GPATCH8: variants seen among roughly 807,000 people sequenced by gnomAD.
The protein encoded by GPATCH8 is G patch domain-containing protein 8.
A neutral mutation model predicts 118.3 loss-of-function variants in GPATCH8; 18 were observed. That is an observed-to-expected ratio of 0.15 (90% CI 0.11 to 0.23). The LOEUF (loss-of-function observed/expected upper bound fraction) is 0.23, where lower values mean the gene tolerates loss of function less well. Among genes scored for constraint, GPATCH8 ranks in the 10% least tolerant of loss-of-function variants. The probability of loss-of-function intolerance (pLI) is 1.00; values close to 1 mark genes in which losing one functional copy is unlikely to be tolerated. For synonymous variants in GPATCH8, 659 were observed against 684.7 expected (o/e 0.96, Z 0.59); for missense variants, 1,631 against 1,873.8 (o/e 0.87, Z 2.39).
rs571798308 is a variant in GPATCH8 at position 44,502,634 on chromosome 17, C to T, written c.45+692G>A. ...ACCCCATGCGTGGACGGCCTATTAT[C>T]ATCACGCTTCTCACAAATCTTTCGA... On this transcript the variant is annotated intron_variant, in intron 1 of 7. Coordinates refer to ENST00000591680, the MANE Select transcript of GPATCH8 (RefSeq NM_001002909.4). Among the ~76,000 whole-genome samples the T allele has an allele frequency of 9.8e-5, 15 of 152,288 alleles. No homozygotes were observed. In the South Asian group the frequency reaches 2.7e-3, roughly 27 times the overall value.
At position 44,438,822 on chromosome 17, in the gene GPATCH8, TC is replaced by T. The variant is rs1165904266; in HGVS notation, c.194-2278del. The T allele has an allele frequency of 2.0e-5, 3 of 152,404 alleles. No individual in the cohort carries two copies. The Admixed American group carries it at 2.0e-4, about 10-fold the overall frequency. 9.4% of individuals were successfully genotyped at this position (152,404 alleles called of 1,614,324 possible). ...AAAGTTAACAGTTGGGCTTTGTCCCTCCCCCAATCTCAGCCGGGGACAGAGG... is the reference window on the plus strand; with the variant it reads ...AAAGTTAACAGTTGGGCTTTGTCCCTCCCCAATCTCAGCCGGGGACAGAGG... On this transcript the variant is annotated intron_variant, in intron 3 of 7. Coordinates refer to ENST00000591680, the MANE Select transcript of GPATCH8 (RefSeq NM_001002909.4).
chr17:44,434,493 A>G (rs1448642344), intron 5 of GPATCH8, among the ~76,000 whole-genome samples: 1 of 152,150 alleles, frequency 6.6e-6, no homozygotes, highest in Non-Finnish European at 1.5e-5. Context: ...CACCTGAGGC[A>G]AGGAGTTCAA....
intron 6 of GPATCH8, among the ~76,000 whole-genome samples, chr17:44,416,105 C>A (rs1011334156): frequency 3.3e-5 from 5 of 152,150 alleles, no homozygotes; most frequent in African/African-American, 9.7e-5. Flanking sequence ...TGGGTTCAAG[C>A]GATCCTCCTG....
At chr17:44,446,817 T>C (rs1488611617) in intron 3 of GPATCH8, among the ~76,000 whole-genome samples, 2 of 151,812 alleles carry the variant, frequency 1.3e-5, no homozygotes, top group Non-Finnish European at 2.9e-5. Flanking sequence ...AACTTTCCAC[T>C]GCAACTCCTC....
At chr17:44,462,468 C>T (rs2051590512) in intron 3 of GPATCH8, among the ~76,000 whole-genome samples, 1 of 152,138 alleles carries the variant, frequency 6.6e-6, no homozygotes, top group African/African-American at 2.4e-5. Context: ...CTATCCCATA[C>T]GAATTGCTCT....
At chr17:44,446,379 A>G (rs535878773) in intron 3 of GPATCH8, among the ~76,000 whole-genome samples, 42 of 152,250 alleles carry the variant, frequency 2.8e-4, no homozygotes, top group African/African-American at 9.9e-4. Context: ...ATCCTGGCTA[A>G]CACGGCGAAA....
Position 44,451,453 on chromosome 17 carries a change from G to T in GPATCH8, c.193+13019C>A, listed in dbSNP as rs562458644. 3.9e-5 allele frequency among the ~76,000 whole-genome samples: 6 copies of T among 152,224 alleles called. No individual in the cohort carries two copies. In the South Asian group the frequency reaches 1.2e-3, roughly 32 times the overall value. On this transcript the variant is annotated intron_variant, in intron 3 of 7. Transcript: ENST00000591680. Reference sequence around the variant, plus strand: ...TGCAGAATACAAAACAAGAAAAACAGCAACAGAGAATACATAAATGCACAG... The same window carrying T: ...TGCAGAATACAAAACAAGAAAAACATCAACAGAGAATACATAAATGCACAG...
chr17:44,485,513 G>A (rs888440052), intron 1 of GPATCH8, among the ~76,000 whole-genome samples: 9 of 151,968 alleles, frequency 5.9e-5, no homozygotes, highest in Admixed American at 4.6e-4. Context: ...TGCAGACTCC[G>A]TCTCCTGAGC....
intron 6 of GPATCH8, among the ~76,000 whole-genome samples, chr17:44,418,456 CTTTT>C (rs56885612): frequency 3.6e-5 from 5 of 139,758 alleles, no homozygotes; most frequent in African/African-American, 5.2e-5. Context: ...GTGCTAATGT[CTTTT>C]TTTTTTTTTT....
intron 2 of GPATCH8, chr17:44,473,864 T>C (rs1049359646): frequency 2.0e-5 from 3 of 152,150 alleles, no homozygotes; most frequent in African/African-American, 7.2e-5. Context: ...AACATAAATA[T>C]ATGTTGATCC....
At chr17:44,456,429 A>G (rs1568015533) in intron 3 of GPATCH8, among the ~76,000 whole-genome samples, 2 of 152,198 alleles carry the variant, frequency 1.3e-5, no homozygotes, top group Non-Finnish European at 2.9e-5. Context: ...AGTGAGTGCA[A>G]TATTAATTCA....
chr17:44,444,518 A>C (rs1278160838), intron 3 of GPATCH8, among the ~76,000 whole-genome samples: 1 of 152,158 alleles, frequency 6.6e-6, no homozygotes, highest in Non-Finnish European at 1.5e-5. Flanking sequence ...CACGGCTGTA[A>C]TCCCAGCACT....
chr17:44,455,416 G>A (rs947385254), intron 3 of GPATCH8, among the ~76,000 whole-genome samples: 2 of 151,758 alleles, frequency 1.3e-5, no homozygotes, highest in Non-Finnish European at 2.9e-5. Flanking sequence ...CAGGAGAATC[G>A]CTTGAACCAG....
At chr17:44,412,690 G>A (rs747115807) in intron 6 of GPATCH8, among the ~76,000 whole-genome samples, 1 of 152,066 alleles carries the variant, frequency 6.6e-6, no homozygotes, top group Non-Finnish European at 1.5e-5. Flanking sequence ...AGCTGAACCT[G>A]TCTTTAAAAC....
At chr17:44,433,645 C>T (rs2050396375) in intron 5 of GPATCH8, among the ~76,000 whole-genome samples, 1 of 152,054 alleles carries the variant, frequency 6.6e-6, no homozygotes, top group Admixed American at 6.6e-5. Flanking sequence ...GTGTCATGAC[C>T]ACTCTTGTGC....
intron 2 of GPATCH8, chr17:44,465,209 C>G (rs2051714911): frequency 6.6e-6 from 1 of 151,884 alleles, no homozygotes; most frequent in Non-Finnish European, 1.5e-5. Context: ...AAAATGAGCT[C>G]AAGCACAGAC....
rs2048877582 is a variant in GPATCH8 at position 44,398,684 on chromosome 17, A to T, written c.3393T>A (p.Phe1131Leu). 6.3e-7 allele frequency: 1 copy of T among 1,580,670 alleles called. No homozygotes were observed. Among genetic ancestry groups the T allele is most frequent in the Non-Finnish European group, 8.6e-7 (1 of 1,162,386 alleles). Reference sequence around the variant, plus strand: ...CAAGAGATGGGGGGAGCTTGGGCCCAAAGTAACCTTGTGGGGGGTCCTTGA... The same window carrying T: ...CAAGAGATGGGGGGAGCTTGGGCCCTAAGTAACCTTGTGGGGGGTCCTTGA... ...PKLKDPPQGY[F>L]GPKLPPSLGN... The change falls in exon 8 of 8, where the codon TTT becomes TTA. Residue 1131 changes from phenylalanine to leucine, a missense_variant. Phe to Leu is a conservative substitution (Grantham distance 22). Transcript: ENST00000591680.
At chr17:44,406,850 A>G (rs2049251569) in intron 6 of GPATCH8, among the ~76,000 whole-genome samples, 1 of 152,230 alleles carries the variant, frequency 6.6e-6, no homozygotes, top group Non-Finnish European at 1.5e-5. Context: ...CCTTAAAATA[A>G]AACAAAACAA....
At chr17:44,429,701 C>A (rs1422865805) in intron 5 of GPATCH8, among the ~76,000 whole-genome samples, 20 of 146,254 alleles carry the variant, frequency 1.4e-4, no homozygotes, top group African/African-American at 4.7e-4. Flanking sequence ...AACAAACAAA[C>A]AAACAAACAA....
Sources: gnomAD v4.1 joint callset for allele counts (sites outside exome capture counted in the v4.1 genomes callset) on GRCh38, gnomAD v4.1.1 for gene constraint, MANE v1.5 for transcripts, NCBI Gene and HGNC (gene_info 2026-07-23, HGNC 2026-07-21) for gene names.